The following KIAA0232 variants were observed in gnomAD, a reference collection of about 807,000 sequenced individuals.
KIAA0232 encodes the protein uncharacterized protein KIAA0232.
Under a neutral mutation model 122.0 loss-of-function variants are expected in KIAA0232, and 27 were observed. The ratio of observed to expected loss-of-function variants is 0.22; its 90% CI spans 0.16 to 0.31. KIAA0232 has a LOEUF of 0.31. Among genes scored for constraint, KIAA0232 ranks in the 10% least tolerant of loss-of-function variants. KIAA0232 has a pLI of 1.00. For missense variants in KIAA0232, 1,551 were observed against 1,634.2 expected, an observed-to-expected ratio of 0.95 and a Z score of 0.88; for synonymous variants, 613 against 587.6, an observed-to-expected ratio of 1.04 and a Z score of -0.63.
At chr4:6,807,052 AT>A (rs1025552904) in intron 2 of KIAA0232, among the ~76,000 whole-genome samples, 23 of 151,104 alleles carry the variant, frequency 1.5e-4, no homozygotes, top group Admixed American at 1.3e-3. Flanking sequence ...CTATCTATCT[AT>A]CTATCTATCT....
At chr4:6,810,069 G>A (rs550408662) in intron 2 of KIAA0232, among the ~76,000 whole-genome samples, 28 of 152,110 alleles carry the variant, frequency 1.8e-4, no homozygotes, top group African/African-American at 6.3e-4. Flanking sequence ...TACAGAATTA[G>A]GAAAAAAATC....
intron 4 of KIAA0232, among the ~76,000 whole-genome samples, chr4:6,851,643 G>A (rs1720290093): frequency 5.3e-5 from 8 of 150,964 alleles, no homozygotes; most frequent in Admixed American, 5.3e-4. Flanking sequence ...GTGAGTCCTG[G>A]AGGTCAAGGA....
chr4:6,787,748 G>A (rs1403050739), intron 1 of KIAA0232, among the ~76,000 whole-genome samples: 1 of 152,084 alleles, frequency 6.6e-6, no homozygotes, highest in East Asian at 1.9e-4. Context: ...CTCCTCCTCT[G>A]TTCTGTTGCC....
intron 3 of KIAA0232, 128 bp from the exon 4 acceptor site, chr4:6,841,939 G>C: frequency 9.2e-7 from 1 of 1,082,648 alleles, no homozygotes; most frequent in East Asian, 2.6e-5. Flanking sequence ...CGCAGAAATA[G>C]ACAAGCCGAT....
At chr4:6,878,544 A>G (rs1459339942) in intron 9 of KIAA0232, among the ~76,000 whole-genome samples, 1 of 152,230 alleles carries the variant, frequency 6.6e-6, no homozygotes, top group African/African-American at 2.4e-5. Context: ...CAAGACAATT[A>G]CAGTCCTGGT....
chr4:6,822,289 T>G (rs1718459694), intron 2 of KIAA0232, among the ~76,000 whole-genome samples: 1 of 152,198 alleles, frequency 6.6e-6, no homozygotes, highest in Non-Finnish European at 1.5e-5. Context: ...ATTTTAAAAG[T>G]AGCAAAACAT....
intron 1 of KIAA0232, among the ~76,000 whole-genome samples, chr4:6,788,457 A>G (rs764873413): frequency 9.9e-5 from 15 of 152,130 alleles, no homozygotes; most frequent in Non-Finnish European, 2.1e-4. Context: ...TGCTACTTCT[A>G]TTTCTGTAAC....
At chr4:6,834,357 G>C (rs959347365) in intron 3 of KIAA0232, among the ~76,000 whole-genome samples, 5 of 152,170 alleles carry the variant, frequency 3.3e-5, no homozygotes, top group African/African-American at 1.2e-4. Flanking sequence ...AATATAGTTA[G>C]AGGAATACTA....
At chr4:6,836,331 G>GTTTTTTTT (rs199902844) in intron 3 of KIAA0232, among the ~76,000 whole-genome samples, 2 of 142,638 alleles carry the variant, frequency 1.4e-5, no homozygotes, top group African/African-American at 5.4e-5. Context: ...TTTGTTTTTT[G>GTTTTTTTT]TTTTGTTTTT....
At position 6,782,808 on chromosome 4, in the gene KIAA0232, C is replaced by T. The variant is rs1033781353; in HGVS notation, c.-387C>T. The stretch of plus-strand genomic sequence containing the variant: ...CTCGGAGCCAGAGGAGAGGCGCCCC[C>T]GCCGGCCGCCGCGCCGCCCGGCAGC... On this transcript the variant is annotated 5_prime_UTR_variant, in exon 1 of 10. Coordinates refer to ENST00000307659, the MANE Select transcript of KIAA0232 (RefSeq NM_014743.3). The T allele has an allele frequency of 2.0e-5, 3 of 148,212 alleles. No individual in the cohort carries two copies. The highest frequency in any genetic ancestry group is 4.5e-5 in the Non-Finnish European group (3 of 66,476). 9.2% of individuals were successfully genotyped at this position (148,212 alleles called of 1,614,324 possible).
At chr4:6,848,289 C>T (rs1278452706) in intron 4 of KIAA0232, among the ~76,000 whole-genome samples, 1 of 152,126 alleles carries the variant, frequency 6.6e-6, no homozygotes, top group Admixed American at 6.5e-5. Context: ...TACAGAAAAC[C>T]ATGTAAAGTA....
At chr4:6,843,468 A>G (rs989201501) in intron 4 of KIAA0232, among the ~76,000 whole-genome samples, 10 of 151,908 alleles carry the variant, frequency 6.6e-5, no homozygotes, top group African/African-American at 2.2e-4. Flanking sequence ...TTCTCATCCA[A>G]CTCCTAATTA....
At chr4:6,838,667 G>A (rs1260663899) in intron 3 of KIAA0232, among the ~76,000 whole-genome samples, 1 of 149,894 alleles carries the variant, frequency 6.7e-6, no homozygotes, top group African/African-American at 2.5e-5. Context: ...GCCAACTGTT[G>A]ACAGTAGTTA....
Position 6,861,761 on chromosome 4 carries a change from T to C in KIAA0232, c.1379T>C (p.Leu460Pro). 6.2e-7 allele frequency: 1 copy of C among 1,614,168 alleles called. No individual in the cohort carries two copies. The highest frequency in any genetic ancestry group is 8.5e-7 in the Non-Finnish European group (1 of 1,180,024). Residue 460 changes from leucine (L) to proline (P), a missense_variant, in exon 7 of 10, where the codon CTC (leucine) becomes CCC (proline). By Grantham distance (98) the Leu-to-Pro change is moderately conservative (BLOSUM62 -3). This residue lies in a region of KIAA0232 where 1,108 missense variants were observed against 1,154.8 expected (regional missense o/e 0.96). Coordinates refer to ENST00000307659, the MANE Select transcript of KIAA0232 (RefSeq NM_014743.3). Reference protein sequence around the residue: ...ISNNNLHKTYLAAGTFIDGHF... With the variant: ...ISNNNLHKTYPAAGTFIDGHF... The stretch of plus-strand genomic sequence containing the variant: ...AACAATAATCTTCATAAAACATACC[T>C]CGCAGCAGGTACTTTCATTGATGGT...
intron 2 of KIAA0232, among the ~76,000 whole-genome samples, chr4:6,816,628 G>T (rs190868459): frequency 6.6e-6 from 1 of 152,226 alleles, no homozygotes; most frequent in African/African-American, 2.4e-5. Context: ...GTTTAATGCT[G>T]TCTTCATAAC....
At chr4:6,830,857 G>A (rs561930114) in intron 3 of KIAA0232, among the ~76,000 whole-genome samples, 1 of 152,046 alleles carries the variant, frequency 6.6e-6, no homozygotes, top group East Asian at 1.9e-4. Context: ...CCTGATCACT[G>A]CAGTGACAAG....
intron 2 of KIAA0232, among the ~76,000 whole-genome samples, chr4:6,817,008 A>T (rs1439085083): frequency 6.6e-6 from 1 of 152,108 alleles, no homozygotes; most frequent in Non-Finnish European, 1.5e-5. Flanking sequence ...GCTAGAGGTT[A>T]AAGAACCTGT....
In KIAA0232 at chr4:6,863,428, A is replaced by G. The variant is rs923872637; in HGVS notation, c.3046A>G (p.Ile1016Val). 3 of 1,613,948 alleles carry G rather than the reference A, an allele frequency of 1.9e-6. No individual in the cohort carries two copies. The highest frequency in any genetic ancestry group is 1.1e-5 in the South Asian group (1 of 91,072). ...TGGGTTAAATAAGGGATTTTCTTTT[A>G]TCTTCCATGAAGACTTACTAGGAGC... The part of the protein sequence containing the change: ...ENGLNKGFSF[I>V]FHEDLLGACG... The change falls in exon 7 of 10, where the codon ATC (isoleucine) becomes GTC (valine). Residue 1016 changes from isoleucine to valine, a missense_variant. By Grantham distance (29) the Ile-to-Val change is conservative (BLOSUM62 3). Transcript: ENST00000307659.
chr4:6,843,309 A>C (rs1211454063), intron 4 of KIAA0232, among the ~76,000 whole-genome samples: 1 of 152,224 alleles, frequency 6.6e-6, no homozygotes, highest in Non-Finnish European at 1.5e-5. Flanking sequence ...TCTGACCTCC[A>C]GAAACTTCCT....
Sources: gnomAD v4.1 joint callset for allele counts (sites outside exome capture counted in the v4.1 genomes callset) on GRCh38, gnomAD v4.1.1 for gene constraint, gnomAD v4.1.1 regional missense constraint, MANE v1.5 for transcripts, NCBI Gene and HGNC (gene_info 2026-07-23, HGNC 2026-07-21) for gene names.